SEMA3A: variants seen among roughly 807,000 people sequenced by gnomAD.
SEMA3A encodes the protein semaphorin 3A.
In SEMA3A, 29 loss-of-function variants were observed where a neutral mutation model predicts 97.9. The observed-to-expected ratio is 0.30, with a 90% confidence interval of 0.22 to 0.40. The LOEUF (loss-of-function observed/expected upper bound fraction) is 0.40. Among genes scored for constraint, SEMA3A ranks in the 10% least tolerant of loss-of-function variants. SEMA3A has a pLI of 1.00. For synonymous variants in SEMA3A, 321 were observed against 323.7 expected (o/e 0.99, Z 0.09); for missense variants, 763 against 951.3 (o/e 0.80, Z 2.60).
intron 3 of SEMA3A, among the ~76,000 whole-genome samples, chr7:84,304,460 TTACTC>T (rs1801103189): frequency 6.6e-6 from 1 of 152,018 alleles, no homozygotes; most frequent in South Asian, 2.1e-4. Flanking sequence ...AAATAAGACT[TTACTC>T]AATCATTAAA....
At chr7:84,022,790 C>T (rs1481407016) in intron 6 of SEMA3A, among the ~76,000 whole-genome samples, 3 of 152,184 alleles carry the variant, frequency 2.0e-5, no homozygotes, top group Non-Finnish European at 4.4e-5. Context: ...ATTCTTGCAT[C>T]TGCATAGCTT....
rs113977092 is a variant in SEMA3A, at chr7:84,306,910, C to A, written c.-83+297G>T. On this transcript the variant is annotated intron_variant, in intron 3 of 3. Transcript: ENST00000424555. ...CTCTGCTCTGTGGCTCCTGGGGAAC[C>A]TCACAAACCCAGTGAAATTCCCAAG... Among the ~76,000 whole-genome samples, 5 of 152,128 alleles carry A rather than the reference C, an allele frequency of 3.3e-5. 1 individual carries two copies. The highest frequency in any genetic ancestry group is 1.2e-4 in the African/African-American group (5 of 41,516).
chr7:84,367,690 G>A (rs963575007), intron 2 of SEMA3A, among the ~76,000 whole-genome samples: 2 of 150,936 alleles, frequency 1.3e-5, no homozygotes, highest in Non-Finnish European at 3.0e-5. Context: ...GAAAAAGGCA[G>A]ATAGGTGAGA....
chr7:84,200,423 T>C (rs1311343167), intron 3 of SEMA3A, among the ~76,000 whole-genome samples: 1 of 152,046 alleles, frequency 6.6e-6, no homozygotes, highest in African/African-American at 2.4e-5. Flanking sequence ...AGAGTTTGAG[T>C]AATGGAGCCA....
intron 3 of SEMA3A, among the ~76,000 whole-genome samples, chr7:84,259,163 A>C (rs1016343592): frequency 6.6e-6 from 1 of 152,218 alleles, no homozygotes. Flanking sequence ...CATGTATTTT[A>C]AACTAATCAA....
chr7:84,123,704 A>T (rs1281531273), intron 3 of SEMA3A, among the ~76,000 whole-genome samples: 2 of 148,678 alleles, frequency 1.3e-5, no homozygotes, highest in East Asian at 3.9e-4. Flanking sequence ...ATAAACATAT[A>T]TTTTATATAT....
intron 1 of SEMA3A, among the ~76,000 whole-genome samples, chr7:84,397,792 G>T (rs754144731): frequency 4.6e-5 from 7 of 152,016 alleles, no homozygotes; most frequent in Non-Finnish European, 1.0e-4. Context: ...AAGTAGTTTT[G>T]AAAAGTTTAG....
At chr7:84,052,390 C>G (rs1792717595) in intron 5 of SEMA3A, among the ~76,000 whole-genome samples, 1 of 152,148 alleles carries the variant, frequency 6.6e-6, no homozygotes, top group African/African-American at 2.4e-5. Flanking sequence ...AATTTCAGAT[C>G]CTGTTATTGG....
intron 4 of SEMA3A, among the ~76,000 whole-genome samples, chr7:84,096,674 C>T (rs1794784826): frequency 6.6e-6 from 1 of 152,046 alleles, no homozygotes; most frequent in African/African-American, 2.4e-5. Flanking sequence ...GTGTCAAACA[C>T]ATCATTTCAT....
intron 6 of SEMA3A, among the ~76,000 whole-genome samples, chr7:84,014,728 T>C (rs1370877787): frequency 6.6e-6 from 1 of 152,136 alleles, no homozygotes; most frequent in East Asian, 1.9e-4. Flanking sequence ...AGAATTTAAA[T>C]CAAAATATTA....
intron 1 of SEMA3A, among the ~76,000 whole-genome samples, chr7:84,377,973 A>C (rs1445024541): frequency 1.3e-5 from 2 of 152,018 alleles, no homozygotes; most frequent in Non-Finnish European, 2.9e-5. Context: ...GTGCTATCTT[A>C]AGGGATACAA....
intron 1 of SEMA3A, among the ~76,000 whole-genome samples, chr7:84,480,727 C>T (rs1374050434): frequency 1.3e-5 from 2 of 152,036 alleles, no homozygotes; most frequent in Non-Finnish European, 2.9e-5. Context: ...TAACTACCCC[C>T]GAAGTGTTAG....
chr7:84,233,617 T>C (rs905981625), intron 3 of SEMA3A, among the ~76,000 whole-genome samples: 15 of 152,012 alleles, frequency 9.9e-5, no homozygotes, highest in South Asian at 4.1e-4. Context: ...TCAACATTTT[T>C]AAAAAGCCTT....
chr7:84,087,404 T>C (rs2115830902), intron 4 of SEMA3A, among the ~76,000 whole-genome samples: 1 of 152,324 alleles, frequency 6.6e-6, no homozygotes, highest in African/African-American at 2.4e-5. Flanking sequence ...TTCTACAGCA[T>C]TTGTTGTGAT....
intron 1 of SEMA3A, among the ~76,000 whole-genome samples, chr7:84,168,536 A>G (rs1234248507): frequency 6.6e-6 from 1 of 152,008 alleles, no homozygotes; most frequent in East Asian, 1.9e-4. Context: ...AAATATACAC[A>G]GAATTACTAA....
intron 3 of SEMA3A, among the ~76,000 whole-genome samples, chr7:84,111,999 A>G (rs932632596): frequency 6.6e-6 from 1 of 152,176 alleles, no homozygotes; most frequent in African/African-American, 2.4e-5. Context: ...TCCTTCCCCA[A>G]GAGAATAGGG....
At position 84,011,261 on chromosome 7, in the gene SEMA3A, A is replaced by G; in HGVS notation, c.847T>C (p.Trp283Arg). The change falls in exon 8 of 17, where the codon TGG becomes CGG. Residue 283 changes from tryptophan to arginine, a missense_variant. Around this residue, in one of 2 missense-constraint regions of SEMA3A, gnomAD observed 678 missense variants for 881.3 expected, o/e 0.77. Coordinates refer to ENST00000265362, the MANE Select transcript of SEMA3A (RefSeq NM_006080.3). ...AGACGAGCTTTGAGGAATGTTGTCC[A>G]TTTATTCACCAGACTTCTGTGCCCT... ...FGGHRSLVNK[W>R]TTFLKARLIC... 1 of 1,614,000 alleles carries G rather than the reference A, an allele frequency of 6.2e-7. No homozygotes were observed. Among genetic ancestry groups the G allele is most frequent in the Non-Finnish European group, 8.5e-7 (1 of 1,179,870 alleles).
At chr7:84,142,575 T>C (rs1258050898) in intron 1 of SEMA3A, among the ~76,000 whole-genome samples, 1 of 152,138 alleles carries the variant, frequency 6.6e-6, no homozygotes, top group Admixed American at 6.6e-5. Context: ...TTTTGGAAAA[T>C]ACTAAGAACT....
At chr7:84,055,678 G>C (rs117184630) in intron 5 of SEMA3A, among the ~76,000 whole-genome samples, 1 of 151,884 alleles carries the variant, frequency 6.6e-6, no homozygotes, top group South Asian at 2.1e-4. Context: ...CGTTGCTCAC[G>C]CTCGGAGCTG....
Sources: gnomAD v4.1 joint callset for allele counts (sites outside exome capture counted in the v4.1 genomes callset) on GRCh38, gnomAD v4.1.1 for gene constraint, gnomAD v4.1.1 regional missense constraint, MANE v1.5 for transcripts, NCBI Gene and HGNC (gene_info 2026-07-23, HGNC 2026-07-21) for gene names.